GLB1: variants seen among roughly 807,000 people sequenced by gnomAD.
GLB1 encodes the protein galactosidase beta 1, also known as beta-galactosidase.
GLB1 carries 56 observed loss-of-function variants against 74.0 expected under a neutral mutation model. The observed-to-expected ratio is 0.76, with a 90% CI of 0.61 to 0.94. GLB1 has a LOEUF of 0.94. Among genes scored for constraint, GLB1 ranks in the 40% least tolerant of loss-of-function variants. The probability of loss-of-function intolerance (pLI) is 0.00; values close to 1 mark genes in which losing one functional copy is unlikely to be tolerated. For synonymous variants in GLB1, 323 were observed against 323.6 expected (o/e 1.00, Z 0.02); for missense variants, 787 against 845.5 (o/e 0.93, Z 0.86).
chr3:33,025,038 C>T (rs1037689904), intron 10 of GLB1, among the ~76,000 whole-genome samples: 3 of 152,056 alleles, frequency 2.0e-5, no homozygotes, highest in African/African-American at 7.3e-5. Context: ...CTCTGCCTCC[C>T]GGGTTCAAGT....
chr3:33,016,697 G>T lies in GLB1; in HGVS notation c.1479+12C>A. The T allele has an allele frequency of 6.2e-7, 1 of 1,613,434 alleles. No individual in the cohort carries two copies. The highest frequency in any genetic ancestry group is 8.5e-7 in the Non-Finnish European group (1 of 1,179,558). ...CCTTAAACCTTAGTCTTGACAGTGTGGTTTGTCCTACCTTAAAATCGTTGA... is the reference window on the plus strand; with the variant it reads ...CCTTAAACCTTAGTCTTGACAGTGTTGTTTGTCCTACCTTAAAATCGTTGA... On this transcript the variant is annotated intron_variant, in intron 14 of 15. Coordinates refer to ENST00000307363, the MANE Select transcript of GLB1 (RefSeq NM_000404.4).
chr3:33,074,058 G>A (rs575947221), intron 1 of GLB1, among the ~76,000 whole-genome samples: 68 of 150,232 alleles, frequency 4.5e-4, no homozygotes, highest in African/African-American at 1.6e-3. Context: ...AGAAAATAGA[G>A]GCTGGGTGCG....
At chr3:32,971,599 G>A in the GLB1 span, among the ~76,000 whole-genome samples, 5 of 152,222 alleles carry the variant, frequency 3.3e-5, no homozygotes, top group South Asian at 2.1e-4. Flanking sequence ...CTCAGCCAGC[G>A]TTTGGTTGTT....
At position 33,046,120 on chromosome 3, in the gene GLB1, C is replaced by CTTCT; in HGVS notation, c.1064_1067dup (p.Phe357GlufsTer3). The CTTCT allele has an allele frequency of 6.2e-7, 1 of 1,612,570 alleles. No homozygotes were observed. The highest frequency in any genetic ancestry group is 8.5e-7 in the Non-Finnish European group (1 of 1,179,782). On this transcript the variant is annotated frameshift_variant and splice_region_variant, in exon 10 of 16. Coordinates refer to ENST00000307363, the MANE Select transcript of GLB1 (RefSeq NM_000404.4). LOFTEE classifies it high-confidence loss of function. Reference sequence around the variant, plus strand: ...ACCACAGCTCATACAAAGCACCCACCTTCTGGATGATGTTTCGCAGAGCAA... The same window carrying CTTCT: ...ACCACAGCTCATACAAAGCACCCACCTTCTTTCTGGATGATGTTTCGCAGAGCAA...
At chr3:32,982,130 A>G in the GLB1 span, among the ~76,000 whole-genome samples, 1 of 152,048 alleles carries the variant, frequency 6.6e-6, no homozygotes, top group African/African-American at 2.4e-5. Flanking sequence ...CTTGACCAAC[A>G]TGGAGAAACC....
intron 1 of GLB1, chr3:33,092,936 A>T (rs368576030): frequency 6.2e-7 from 1 of 1,614,098 alleles, no homozygotes; most frequent in African/African-American, 1.3e-5. Flanking sequence ...ACACGAATGT[A>T]GCCTGGGCCA....
intron 10 of GLB1, among the ~76,000 whole-genome samples, chr3:33,039,222 G>A (rs1473522520): frequency 1.3e-5 from 2 of 150,210 alleles, no homozygotes; most frequent in East Asian, 3.9e-4. Context: ...CCCAGGAGGT[G>A]GAGGTTGCGG....
At chr3:33,054,739 T>C (rs1180825731) in intron 6 of GLB1, among the ~76,000 whole-genome samples, 1 of 152,134 alleles carries the variant, frequency 6.6e-6, no homozygotes, top group Non-Finnish European at 1.5e-5. Context: ...AAATGTCCCA[T>C]TAGGGGTGTC....
chr3:33,043,970 A>T (rs111652960), intron 10 of GLB1, among the ~76,000 whole-genome samples: 2,168 of 152,258 alleles, frequency 0.014, 54 homozygotes, highest in African/African-American at 0.049. Context: ...ACATAACCTC[A>T]GAACTGGCAG....
At chr3:33,013,461 G>A (rs964396915) in intron 15 of GLB1, among the ~76,000 whole-genome samples, 1 of 152,192 alleles carries the variant, frequency 6.6e-6, no homozygotes, top group Non-Finnish European at 1.5e-5. Context: ...GCCACAGAAT[G>A]AGAAGTGTGT....
chr3:33,075,669 AG>A lies in GLB1; in HGVS notation c.76-2957del, dbSNP rs1228709462. On this transcript the variant is annotated intron_variant, in intron 1 of 15. Transcript: ENST00000307363. Reference sequence around the variant, plus strand: ...AGCAGAAATAAATGGCAGGGAACCCAGGCATGGCAGGGTTGAGGGGAGGGGC... The same window carrying A: ...AGCAGAAATAAATGGCAGGGAACCCAGCATGGCAGGGTTGAGGGGAGGGGC... Among the ~76,000 whole-genome samples, 155 of 152,290 alleles carry A rather than the reference AG, an allele frequency of 1.0e-3. 2 individuals carry two copies. The highest frequency in any genetic ancestry group is 3.6e-3 in the African/African-American group (150 of 41,560).
the GLB1 span, among the ~76,000 whole-genome samples, chr3:32,980,267 G>C: frequency 1.3e-5 from 2 of 152,094 alleles, no homozygotes; most frequent in East Asian, 3.9e-4. Flanking sequence ...GTTCAGGCTT[G>C]CCTGGAATTC....
intron 15 of GLB1, among the ~76,000 whole-genome samples, chr3:33,010,620 G>C (rs1458155987): frequency 6.6e-6 from 1 of 152,036 alleles, no homozygotes; most frequent in Non-Finnish European, 1.5e-5. Context: ...GCTTTTTGAA[G>C]AACAAATATT....
At chr3:32,974,731 G>C in the GLB1 span, among the ~76,000 whole-genome samples, 1 of 152,158 alleles carries the variant, frequency 6.6e-6, no homozygotes, top group Non-Finnish European at 1.5e-5. Flanking sequence ...GGCAGGAAAA[G>C]ACTGATGTCC....
At chr3:32,966,396 G>T in the GLB1 span, among the ~76,000 whole-genome samples, 1 of 152,182 alleles carries the variant, frequency 6.6e-6, no homozygotes, top group Non-Finnish European at 1.5e-5. Flanking sequence ...GGAGCCTGTA[G>T]CCCCTTTGTT....
chr3:33,046,387 C>T (rs1398032825), intron 9 of GLB1, among the ~76,000 whole-genome samples, 155 bp from the exon 10 acceptor site: 2 of 152,136 alleles, frequency 1.3e-5, no homozygotes, highest in East Asian at 1.9e-4. Context: ...CAGGATGCAA[C>T]GTTTAGAGGA....
chr3:33,054,660 G>A (rs1699144035), intron 6 of GLB1, among the ~76,000 whole-genome samples: 1 of 152,162 alleles, frequency 6.6e-6, no homozygotes, highest in East Asian at 1.9e-4. Flanking sequence ...CCTGAATAAT[G>A]GAATATACTC....
chr3:33,045,617 A>G (rs1298770395), intron 10 of GLB1: 2 of 990,298 alleles, frequency 2.0e-6, no homozygotes, highest in African/African-American at 1.7e-5. Flanking sequence ...TTAAATAAAG[A>G]AACCAGAGCT....
At chr3:33,025,791 C>T (rs1285149096) in intron 10 of GLB1, among the ~76,000 whole-genome samples, 3 of 152,200 alleles carry the variant, frequency 2.0e-5, no homozygotes, top group Non-Finnish European at 2.9e-5. Flanking sequence ...GAGAGGACCC[C>T]TGTGCCCCAT....
Sources: gnomAD v4.1 joint callset for allele counts (sites outside exome capture counted in the v4.1 genomes callset) on GRCh38, gnomAD v4.1.1 for gene constraint, MANE v1.5 for transcripts, NCBI Gene and HGNC (gene_info 2026-07-23, HGNC 2026-07-21) for gene names.